Variants in NBAS observed in about 807,000 individuals in gnomAD.
NBAS encodes NBAS subunit of NRZ tethering complex.
In NBAS, 219 loss-of-function variants were observed where a neutral mutation model predicts 302.5. That is an observed-to-expected ratio of 0.72 (90% confidence interval 0.65 to 0.81). NBAS has a LOEUF of 0.81. NBAS is among the 30% of genes least tolerant of loss of function. The pLI is 0.00. For synonymous variants in NBAS, 1,118 were observed against 1,021.6 expected (o/e 1.09, Z -1.80); for missense variants, 2,932 against 2,841.6 (o/e 1.03, Z -0.72).
At position 15,505,092 on chromosome 2, in the gene NBAS, C is replaced by T. The variant is rs114717481; in HGVS notation, c.886-879G>A. On this transcript the variant is annotated intron_variant, in intron 10 of 51. Coordinates refer to ENST00000281513, the MANE Select transcript of NBAS (RefSeq NM_015909.4). Reference sequence around the variant, plus strand: ...AAGATAGAGAATAACCCAAACTTTACAATAACTGTAAGCAAAAAGAAAGAA... The same window carrying T: ...AAGATAGAGAATAACCCAAACTTTATAATAACTGTAAGCAAAAAGAAAGAA... Among the ~76,000 whole-genome samples, 112 of 152,276 alleles carry T rather than the reference C, an allele frequency of 7.4e-4. 1 individual carries two copies. The highest frequency in any genetic ancestry group is 1.1e-3 in the Non-Finnish European group (77 of 67,994).
the NBAS span, among the ~76,000 whole-genome samples, chr2:15,010,413 A>G: frequency 2.0e-5 from 3 of 152,186 alleles, no homozygotes; most frequent in East Asian, 3.9e-4. Context: ...ACACACATCA[A>G]TGAAAGAAAG....
At chr2:15,146,968 C>T in the NBAS span, among the ~76,000 whole-genome samples, 3 of 152,144 alleles carry the variant, frequency 2.0e-5, no homozygotes, top group Admixed American at 6.5e-5. Context: ...TGTGTCTGTT[C>T]GAGGACAGGG....
At chr2:15,232,672 T>C (rs1667429369) in intron 46 of NBAS, among the ~76,000 whole-genome samples, 161 bp from the exon 47 acceptor site, 1 of 152,212 alleles carries the variant, frequency 6.6e-6, no homozygotes, top group African/African-American at 2.4e-5. Context: ...TACGAAGCCC[T>C]ACACTAGGTG....
Position 15,417,719 on chromosome 2 carries a change from T to C in NBAS, c.2578-7A>G, listed in dbSNP as rs1264573539. Reference sequence around the variant, plus strand: ...GTGACAATGCACAGTCCACCTAAAATTGAAAAGCAACAATAAGTTCCTGAG... The same window carrying C: ...GTGACAATGCACAGTCCACCTAAAACTGAAAAGCAACAATAAGTTCCTGAG... On this transcript the variant is annotated splice_region_variant and splice_polypyrimidine_tract_variant and intron_variant, in intron 23 of 51. Coordinates refer to ENST00000281513, the MANE Select transcript of NBAS (RefSeq NM_015909.4). 1 of 1,613,058 alleles carries C rather than the reference T, an allele frequency of 6.2e-7. No homozygotes were observed. The highest frequency in any genetic ancestry group is 8.5e-7 in the Non-Finnish European group (1 of 1,179,362).
chr2:15,493,556 A>T (rs1002088413), intron 11 of NBAS, among the ~76,000 whole-genome samples: 1 of 152,190 alleles, frequency 6.6e-6, no homozygotes, highest in South Asian at 2.1e-4. Flanking sequence ...AATCCCAGCT[A>T]CTTAGAAGGC....
At chr2:14,880,899 G>T in the NBAS span, among the ~76,000 whole-genome samples, 1 of 138,246 alleles carries the variant, frequency 7.2e-6, no homozygotes, top group Admixed American at 7.1e-5. Context: ...AAAGTCAAAA[G>T]AAAATAAAAG....
intron 9 of NBAS, among the ~76,000 whole-genome samples, chr2:15,520,596 C>T (rs1444266137): frequency 6.6e-6 from 1 of 151,408 alleles, no homozygotes; most frequent in Non-Finnish European, 1.5e-5. Context: ...CAACTACTAA[C>T]TTATGTCAGA....
At chr2:15,403,860 C>A (rs1676271219) in intron 25 of NBAS, among the ~76,000 whole-genome samples, 1 of 127,450 alleles carries the variant, frequency 7.8e-6, no homozygotes, top group Non-Finnish European at 1.7e-5. Context: ...ATTTTTCCTT[C>A]CTTCGTGTGT....
At chr2:15,504,909 T>C (rs1248518392) in intron 10 of NBAS, among the ~76,000 whole-genome samples, 1 of 152,176 alleles carries the variant, frequency 6.6e-6, no homozygotes, top group Non-Finnish European at 1.5e-5. Context: ...TATTTGTACA[T>C]GAATGTTCAC....
At chr2:15,240,083 A>G (rs1462985152) in intron 44 of NBAS, among the ~76,000 whole-genome samples, 1 of 152,134 alleles carries the variant, frequency 6.6e-6, no homozygotes, top group Non-Finnish European at 1.5e-5. Flanking sequence ...GTACATTTTT[A>G]CTATATCCTC....
At chr2:15,081,033 G>C in the NBAS span, among the ~76,000 whole-genome samples, 3 of 152,026 alleles carry the variant, frequency 2.0e-5, no homozygotes, top group Non-Finnish European at 4.4e-5. Context: ...CCATGCAGAG[G>C]CAGCTGACTC....
the NBAS span, among the ~76,000 whole-genome samples, chr2:14,921,898 C>T: frequency 6.6e-6 from 1 of 151,832 alleles, no homozygotes; most frequent in Non-Finnish European, 1.5e-5. Context: ...AAACATCTTC[C>T]CCAGCAAAAT....
the NBAS span, among the ~76,000 whole-genome samples, chr2:14,945,816 C>T: frequency 6.7e-3 from 1,027 of 152,290 alleles, 12 homozygotes; most frequent in African/African-American, 0.023. Context: ...CATAGTGGCT[C>T]ACACCTGTAA....
At chr2:15,392,340 C>T (rs1675649982) in intron 28 of NBAS, among the ~76,000 whole-genome samples, 1 of 151,418 alleles carries the variant, frequency 6.6e-6, no homozygotes, top group Non-Finnish European at 1.5e-5. Context: ...ATCTACCTTC[C>T]TGTGATAGTG....
chr2:15,205,498 A>G (rs1326284487), intron 48 of NBAS, among the ~76,000 whole-genome samples: 2 of 152,140 alleles, frequency 1.3e-5, no homozygotes, highest in African/African-American at 2.4e-5. Context: ...ACCAGACCCA[A>G]TGATCTGTTG....
chr2:15,504,459 G>A (rs1464871041), intron 10 of NBAS, among the ~76,000 whole-genome samples: 2 of 152,046 alleles, frequency 1.3e-5, no homozygotes, highest in Non-Finnish European at 2.9e-5. Flanking sequence ...TATATAACCA[G>A]TAAACTTTAT....
chr2:15,154,416 G>T, the NBAS span, among the ~76,000 whole-genome samples: 1 of 152,120 alleles, frequency 6.6e-6, no homozygotes, highest in African/African-American at 2.4e-5. Context: ...AGACATCGGT[G>T]GTTTGTGGTC....
chr2:15,410,554 T>C (rs1245937373), intron 25 of NBAS, among the ~76,000 whole-genome samples: 1 of 151,946 alleles, frequency 6.6e-6, no homozygotes, highest in Non-Finnish European at 1.5e-5. Flanking sequence ...CTGATACATG[T>C]GTATTTGACT....
intron 38 of NBAS, among the ~76,000 whole-genome samples, chr2:15,312,531 A>T (rs866254515): frequency 3.3e-5 from 5 of 152,086 alleles, no homozygotes; most frequent in African/African-American, 1.2e-4. Flanking sequence ...CCTGCCTCGA[A>T]TTCCCAAAGT....
Sources: allele counts gnomAD v4.1 joint callset (sites outside exome capture counted in the v4.1 genomes callset), GRCh38; gene constraint gnomAD v4.1.1; transcripts MANE v1.5; gene names NCBI Gene and HGNC (gene_info 2026-07-23, HGNC 2026-07-21).